Variants in AXL observed in about 807,000 individuals in gnomAD.
AXL encodes AXL receptor tyrosine kinase, also known as tyrosine-protein kinase receptor UFO.
AXL carries 52 observed loss-of-function variants against 104.5 expected under a neutral mutation model. The ratio of observed to expected loss-of-function variants is 0.50; its 90% CI spans 0.40 to 0.63. AXL has a LOEUF of 0.63. AXL is among the 20% of genes least tolerant of loss of function. The pLI is 0.00. For synonymous variants in AXL, 455 were observed against 473.7 expected, an observed-to-expected ratio of 0.96 and a Z score of 0.51; for missense variants, 1,024 against 1,188.5, an observed-to-expected ratio of 0.86 and a Z score of 2.04.
intron 4 of AXL, among the ~76,000 whole-genome samples, chr19:41,225,556 T>A (rs2033864600): frequency 6.6e-6 from 1 of 152,258 alleles, no homozygotes; most frequent in Non-Finnish European, 1.5e-5. Context: ...TGTGTTGGCA[T>A]CAGCCTAGAT....
At chr19:41,233,075 C>T (rs1371952418) in intron 6 of AXL, among the ~76,000 whole-genome samples, 6 of 151,918 alleles carry the variant, frequency 3.9e-5, no homozygotes, top group African/African-American at 9.7e-5. Context: ...TTGCAACCTC[C>T]GCCTCCTAGG....
intron 12 of AXL, among the ~76,000 whole-genome samples, chr19:41,245,281 A>C (rs1323208770): frequency 2.0e-5 from 3 of 152,216 alleles, no homozygotes; most frequent in African/African-American, 7.2e-5. Flanking sequence ...GAGAGATAGA[A>C]TCGATCTTGG....
intron 14 of AXL, 29 bp from the exon 15 acceptor site, chr19:41,252,322 C>T: frequency 1.2e-6 from 2 of 1,601,874 alleles, no homozygotes; most frequent in Non-Finnish European, 1.7e-6. Context: ...TCCTCCCCTC[C>T]TCCTCACGAC....
At chr19:41,238,184 C>T (rs371275135) in intron 7 of AXL, 30 bp downstream of exon 7, 25 of 1,608,380 alleles carry the variant, frequency 1.6e-5, no homozygotes, top group African/African-American at 4.0e-5. Context: ...GACACGTCAC[C>T]ACTGCCCCAC....
Position 41,253,622 on chromosome 19 carries a change from G to A in AXL, c.1950G>A (p.Val650=), listed in dbSNP as rs867902483. 6.2e-7 allele frequency: 1 copy of A among 1,613,778 alleles called. No homozygotes were observed. Among genetic ancestry groups the A allele is most frequent in the Non-Finnish European group, 8.5e-7 (1 of 1,179,924 alleles). Reference sequence around the variant, plus strand: ...AGTACCTGCCCACTCAGATGCTAGTGAAGTTCATGGCAGACATCGCCAGTG... The same window carrying A: ...AGTACCTGCCCACTCAGATGCTAGTAAAGTTCATGGCAGACATCGCCAGTG... ...QPVYLPTQML[V]KFMADIASGM... Residue 650 remains valine, a synonymous_variant, in exon 17 of 20, where the codon GTG becomes GTA. Coordinates refer to ENST00000301178, the MANE Select transcript of AXL (RefSeq NM_021913.5).
chr19:41,223,920 G>A lies in AXL; in HGVS notation c.586+1864G>A, dbSNP rs376266330. 3.3e-5 allele frequency among the ~76,000 whole-genome samples: 5 copies of A among 152,216 alleles called. No individual in the cohort carries two copies. The South Asian group carries it at 8.3e-4, about 25-fold the overall frequency. On this transcript the variant is annotated intron_variant, in intron 4 of 19. Transcript: ENST00000301178. ...GTGTATCCGTCAGCACAACCTCTGTGTGAGGGTGTGCCTTGGCGAGGGTGG... is the reference window on the plus strand; with the variant it reads ...GTGTATCCGTCAGCACAACCTCTGTATGAGGGTGTGCCTTGGCGAGGGTGG...
chr19:41,253,350 T>C (rs191076252), intron 16 of AXL, among the ~76,000 whole-genome samples: 1 of 152,080 alleles, frequency 6.6e-6, no homozygotes. Flanking sequence ...TGATCATCGT[T>C]TGTCTGAAGA....
chr19:41,238,639 G>A lies in AXL; in HGVS notation c.1134+30G>A, dbSNP rs780095023. 3.1e-6 allele frequency: 5 copies of A among 1,587,610 alleles called. No individual in the cohort carries two copies. In the African/African-American group the frequency reaches 5.4e-5, roughly 17 times the overall value. On this transcript the variant is annotated intron_variant, in intron 8 of 19. Transcript: ENST00000301178. ...GTGCTGCTGGTGGGATTGGAGTGGA[G>A]TGGCTTGGGGAGGAGGGAGGAGAAC...
In AXL at chr19:41,261,533, G is replaced by T. The variant is rs906863254; in HGVS notation, c.*1629G>T. 2.6e-5 allele frequency: 4 copies of T among 152,566 alleles called. No individual in the cohort carries two copies. Among genetic ancestry groups the T allele is most frequent in the Non-Finnish European group, 5.9e-5 (4 of 68,100 alleles). The allele number at this position is 152,566 out of a possible 1,614,324, so 9.5% of individuals were successfully genotyped here. A position where few individuals can be genotyped will look rare whatever the true frequency, so the allele number is the denominator to read the frequency against. ...ACCCTATACTGTAGTATTCTTTGGG[G>T]TGCCCCTCTCCTTCTTAGCTATCAT... On this transcript the variant is annotated 3_prime_UTR_variant, in exon 20 of 20. Transcript: ENST00000301178.
rs1457987742 is a variant in AXL, at chr19:41,255,737, G to T, written c.2037-715G>T. Among the ~76,000 whole-genome samples the T allele has an allele frequency of 2.1e-5, 3 of 144,848 alleles. No homozygotes were observed. In the East Asian group the frequency reaches 6.0e-4, roughly 29 times the overall value. On this transcript the variant is annotated intron_variant, in intron 17 of 19. Transcript: ENST00000301178. ...ATTACAGGCTTGAGCCACTGTGCCT[G>T]TTTTTTTTTTTGTTTGTTTTTGAGA... is the stretch of plus-strand genomic sequence containing the variant.
chr19:41,230,181 GAGCATATGTGTTTATA>G (rs2033953577), intron 4 of AXL, among the ~76,000 whole-genome samples: 2 of 151,680 alleles, frequency 1.3e-5, no homozygotes, highest in Non-Finnish European at 2.9e-5. Context: ...GTCTGTGTGT[GAGCATATGTGTTTATA>G]TGTGTGTGTA....
chr19:41,220,390 G>A, intron 1 of AXL: 1 of 490,278 alleles, frequency 2.0e-6, no homozygotes, highest in Non-Finnish European at 3.7e-6. Context: ...GCAGGGCGTG[G>A]GAGGCTGCCA....
intron 4 of AXL, among the ~76,000 whole-genome samples, chr19:41,225,011 G>C (rs994269362): frequency 6.6e-6 from 1 of 152,074 alleles, no homozygotes; most frequent in Non-Finnish European, 1.5e-5. Context: ...GTTTTTTGGG[G>C]TTTTTGTTTT....
chr19:41,238,017 A>G lies in AXL; in HGVS notation c.857A>G (p.Gln286Arg). The G allele has an allele frequency of 6.2e-7, 1 of 1,613,400 alleles. No homozygotes were observed. The highest frequency in any genetic ancestry group is 2.2e-5 in the East Asian group (1 of 44,812). ...PDPPEEPLTSQASVPPHQLRL... is the reference protein window; with the variant it reads ...PDPPEEPLTSRASVPPHQLRL... ...CCCCCAGAGGAGCCCCTCACCTCGC[A>G]AGCATCCGTGCCCCCCCATCAGCTT... Residue 286 changes from glutamine to arginine, a missense_variant, in exon 7 of 20, where the codon CAA becomes CGA. Coordinates refer to ENST00000301178, the MANE Select transcript of AXL (RefSeq NM_021913.5).
rs750689678 is a variant in AXL at position 41,252,904 on chromosome 19, T to A, written c.1863T>A (p.Pro621=). 1.9e-6 allele frequency: 3 copies of A among 1,607,900 alleles called. No individual in the cohort carries two copies. The highest frequency in any genetic ancestry group is 2.5e-6 in the Non-Finnish European group (3 of 1,177,464). Residue 621 remains proline, a synonymous_variant, in exon 16 of 20, where the codon CCT becomes CCA. Transcript: ENST00000301178. ...ESFPAPVVIL[P]FMKHGDLHSF... is the part of the protein sequence containing the mutation. Reference sequence around the variant, plus strand: ...TCCCAGCACCTGTGGTCATCTTACCTTTCATGAAACATGGAGACCTACACA... The same window carrying A: ...TCCCAGCACCTGTGGTCATCTTACCATTCATGAAACATGGAGACCTACACA...
Position 41,236,386 on chromosome 19 carries a change from C to T in AXL, c.784-1558C>T, listed in dbSNP as rs111892541. Among the ~76,000 whole-genome samples, 573 of 151,270 alleles carry T rather than the reference C, an allele frequency of 3.8e-3. 4 individuals carry two copies. The highest frequency in any genetic ancestry group is 0.013 in the African/African-American group (554 of 41,186). ...GCATGGTTGCTCACGCCTGTAATCC[C>T]ATCTACTTGGGAGGCCGAGGCATGA... On this transcript the variant is annotated intron_variant, in intron 6 of 19. Coordinates refer to ENST00000301178, the MANE Select transcript of AXL (RefSeq NM_021913.5).
At chr19:41,232,458 C>A (rs1332725231) in intron 6 of AXL, among the ~76,000 whole-genome samples, 2 of 151,898 alleles carry the variant, frequency 1.3e-5, no homozygotes, top group East Asian at 3.9e-4. Flanking sequence ...CCCATTTCTA[C>A]TAAAAATACA....
intron 4 of AXL, among the ~76,000 whole-genome samples, chr19:41,225,606 T>C (rs971287994): frequency 6.6e-6 from 1 of 152,212 alleles, no homozygotes; most frequent in Non-Finnish European, 1.5e-5. Context: ...AATGTGTACA[T>C]GTGTGACTGT....
intron 6 of AXL, among the ~76,000 whole-genome samples, chr19:41,235,581 T>C (rs540570505): frequency 2.6e-5 from 4 of 152,230 alleles, no homozygotes; most frequent in African/African-American, 9.6e-5. Flanking sequence ...GCATCCGTGC[T>C]CCTCAGCACT....
Sources: gnomAD v4.1 joint callset for allele counts (sites outside exome capture counted in the v4.1 genomes callset) on GRCh38, gnomAD v4.1.1 for gene constraint, MANE v1.5 for transcripts, NCBI Gene and HGNC (gene_info 2026-07-23, HGNC 2026-07-21) for gene names.